Variants in VDAC1 observed in about 807,000 individuals in gnomAD.
The protein encoded by VDAC1 is voltage dependent anion channel 1.
VDAC1 carries 10 observed loss-of-function variants against 34.7 expected under a neutral mutation model. The observed-to-expected ratio is 0.29, with a 90% CI of 0.18 to 0.49. The LOEUF is 0.49. VDAC1 is among the 20% of genes least tolerant of loss of function. The pLI, the probability that VDAC1 is intolerant of heterozygous loss-of-function variation, is 0.99. For synonymous variants in VDAC1, 130 were observed against 136.0 expected (o/e 0.96, Z 0.30); for missense variants, 230 against 347.9 (o/e 0.66, Z 2.69).
chr5:133,996,859 A>G (rs1407291358), intron 1 of VDAC1, among the ~76,000 whole-genome samples: 1 of 152,126 alleles, frequency 6.6e-6, no homozygotes, highest in Non-Finnish European at 1.5e-5. Flanking sequence ...CAGCATCACC[A>G]AGAGTGGGGG....
At chr5:134,062,585 T>C in the VDAC1 span, among the ~76,000 whole-genome samples, 2 of 151,276 alleles carry the variant, frequency 1.3e-5, no homozygotes, top group Non-Finnish European at 3.0e-5. Flanking sequence ...GCATTCTTTC[T>C]TTTCCAATTT....
chr5:134,055,610 T>TG, the VDAC1 span, among the ~76,000 whole-genome samples: 1 of 142,672 alleles, frequency 7.0e-6, no homozygotes, highest in African/African-American at 2.6e-5. Context: ...TTTTTTTTTT[T>TG]TTTTTTTTTA....
At chr5:134,017,841 A>T in the VDAC1 span, among the ~76,000 whole-genome samples, 3 of 152,212 alleles carry the variant, frequency 2.0e-5, no homozygotes, top group Admixed American at 6.5e-5. Flanking sequence ...TGAACCCAGG[A>T]GGCGGAGCTT....
intron 6 of VDAC1, 33 bp downstream of exon 6, chr5:133,980,696 C>A: frequency 5.0e-6 from 3 of 601,600 alleles, no homozygotes; most frequent in East Asian, 3.0e-5. Flanking sequence ...CCAACCCCAC[C>A]CCTCCCACCC....
At chr5:134,016,934 G>A in the VDAC1 span, among the ~76,000 whole-genome samples, 1 of 152,204 alleles carries the variant, frequency 6.6e-6, no homozygotes, top group Non-Finnish European at 1.5e-5. Context: ...TCAGCCACAA[G>A]GAAAGGGCTG....
the VDAC1 span, among the ~76,000 whole-genome samples, chr5:134,108,448 G>C: frequency 2.0e-5 from 3 of 152,168 alleles, no homozygotes; most frequent in African/African-American, 7.2e-5. Flanking sequence ...AGTGACTACA[G>C]GATCTGGTAC....
chr5:134,052,120 A>G, the VDAC1 span, among the ~76,000 whole-genome samples: 1 of 152,158 alleles, frequency 6.6e-6, no homozygotes, highest in Non-Finnish European at 1.5e-5. Flanking sequence ...CCAGCGGGAA[A>G]GGAAGATGCA....
the VDAC1 span, among the ~76,000 whole-genome samples, chr5:134,011,871 C>G: frequency 1.3e-5 from 2 of 151,788 alleles, no homozygotes; most frequent in Non-Finnish European, 2.9e-5. Flanking sequence ...AACTCCTGAC[C>G]TCAGATGATC....
chr5:134,001,434 C>T (rs1452951915), intron 1 of VDAC1, among the ~76,000 whole-genome samples: 1 of 152,088 alleles, frequency 6.6e-6, no homozygotes, highest in East Asian at 1.9e-4. Context: ...CAGACAAACT[C>T]GGCCGGGCTC....
the VDAC1 span, among the ~76,000 whole-genome samples, chr5:134,057,621 G>T: frequency 1.3e-5 from 2 of 151,524 alleles, no homozygotes; most frequent in South Asian, 2.1e-4. Context: ...CCTGGGAGGC[G>T]GAGGTTACAG....
the VDAC1 span, among the ~76,000 whole-genome samples, chr5:134,076,345 C>A: frequency 6.6e-6 from 1 of 152,196 alleles, no homozygotes. Flanking sequence ...CGTGTGGAGG[C>A]CTTCCTGAGT....
At chr5:134,030,186 C>T in the VDAC1 span, among the ~76,000 whole-genome samples, 1 of 151,854 alleles carries the variant, frequency 6.6e-6, no homozygotes, top group Non-Finnish European at 1.5e-5. Flanking sequence ...ACTAAAAACA[C>T]AAAATTAGCC....
At chr5:133,974,397 CAACT>C (rs961013559) in intron 7 of VDAC1, among the ~76,000 whole-genome samples, 12 of 152,046 alleles carry the variant, frequency 7.9e-5, no homozygotes, top group Non-Finnish European at 1.8e-4. Context: ...TGCAAGATGC[CAACT>C]GACTATTGAT....
At chr5:134,019,467 C>A in the VDAC1 span, among the ~76,000 whole-genome samples, 1 of 152,086 alleles carries the variant, frequency 6.6e-6, no homozygotes, top group Non-Finnish European at 1.5e-5. Context: ...GTAGTCCCAG[C>A]TACTGAGGAG....
the VDAC1 span, among the ~76,000 whole-genome samples, chr5:134,011,439 A>G: frequency 6.6e-6 from 1 of 151,952 alleles, no homozygotes; most frequent in Non-Finnish European, 1.5e-5. Flanking sequence ...TAAACCTTAT[A>G]CCCTTTGATC....
At chr5:134,033,847 C>T in the VDAC1 span, among the ~76,000 whole-genome samples, 3 of 151,768 alleles carry the variant, frequency 2.0e-5, no homozygotes, top group Admixed American at 2.0e-4. Context: ...AAAAAATTAG[C>T]CGGGAGTGGT....
chr5:134,087,691 A>C, the VDAC1 span, among the ~76,000 whole-genome samples: 2 of 151,160 alleles, frequency 1.3e-5, no homozygotes, highest in Non-Finnish European at 2.9e-5. Context: ...CCCCGTCTCT[A>C]CTAAAAATAC....
the VDAC1 span, among the ~76,000 whole-genome samples, chr5:134,048,579 T>C: frequency 2.4e-4 from 37 of 152,308 alleles, no homozygotes; most frequent in South Asian, 7.5e-3. Context: ...GGCCTGACTT[T>C]TTAAATGTAT....
At chr5:133,972,958 T>C in intron 8 of VDAC1, 96 bp from the exon 9 acceptor site, 1 of 1,051,336 alleles carries the variant, frequency 9.5e-7, no homozygotes, top group Non-Finnish European at 1.4e-6. Flanking sequence ...GTTCCAGGTA[T>C]TATCAGCAGG....
Sources: gnomAD v4.1 joint callset for allele counts (sites outside exome capture counted in the v4.1 genomes callset) on GRCh38, gnomAD v4.1.1 for gene constraint, MANE v1.5 for transcripts, NCBI Gene and HGNC (gene_info 2026-07-23, HGNC 2026-07-21) for gene names.